Variants in MAP4K3 observed in about 807,000 individuals in gnomAD.
MAP4K3 encodes the protein mitogen-activated protein kinase kinase kinase kinase 3, also known as MAPK/ERK kinase kinase kinase 3.
A neutral mutation model predicts 143.5 loss-of-function variants in MAP4K3; 94 were observed. The ratio of observed to expected loss-of-function variants is 0.65; its 90% CI spans 0.55 to 0.78. The LOEUF (loss-of-function observed/expected upper bound fraction) is 0.78, where lower values mean the gene tolerates loss of function less well. MAP4K3 is among the 30% of genes least tolerant of loss of function. The pLI is 0.00. For missense variants in MAP4K3, 1,077 were observed against 1,068.1 expected (o/e 1.01, Z -0.12); for synonymous variants, 416 against 347.2 (o/e 1.20, Z -2.20).
At chr2:39,350,932 A>T (rs1414438784) in intron 3 of MAP4K3, among the ~76,000 whole-genome samples, 1 of 152,202 alleles carries the variant, frequency 6.6e-6, no homozygotes, top group African/African-American at 2.4e-5. Context: ...ACCTAACCGG[A>T]GACTGAAAAT....
intron 3 of MAP4K3, among the ~76,000 whole-genome samples, chr2:39,349,103 C>T (rs1665378013): frequency 6.6e-6 from 1 of 152,182 alleles, no homozygotes; most frequent in Non-Finnish European, 1.5e-5. Context: ...GATTCCTGTA[C>T]TGTACTGTGA....
chr2:39,313,150 T>C (rs553771023), intron 13 of MAP4K3, among the ~76,000 whole-genome samples: 1 of 152,360 alleles, frequency 6.6e-6, no homozygotes, highest in South Asian at 2.1e-4. Context: ...TTCCAGTTAC[T>C]CTTCAAATAA....
chr2:39,339,652 G>T (rs575737037), intron 4 of MAP4K3, among the ~76,000 whole-genome samples: 112 of 152,264 alleles, frequency 7.4e-4, no homozygotes, highest in African/African-American at 2.6e-3. Context: ...CTCATTAAAG[G>T]TGTAGACAAG....
rs558659840 is a variant in MAP4K3 at position 39,349,242 on chromosome 2, C to T, written c.246-5790G>A. On this transcript the variant is annotated intron_variant, in intron 3 of 33. Coordinates refer to ENST00000263881, the MANE Select transcript of MAP4K3 (RefSeq NM_003618.4). ...GTTTTAATATAAATAACTTATTTAA[C>T]GTGAAGAAAATTTTTAAACTTTTTT... Among the ~76,000 whole-genome samples the T allele has an allele frequency of 4.6e-5, 7 of 152,162 alleles. No homozygotes were observed. The South Asian group carries it at 8.3e-4, about 18-fold the overall frequency.
chr2:39,284,198 G>C lies in MAP4K3; in HGVS notation c.1588-1644C>G, dbSNP rs1681665806. On this transcript the variant is annotated intron_variant, in intron 21 of 33. Coordinates refer to ENST00000263881, the MANE Select transcript of MAP4K3 (RefSeq NM_003618.4). ...ATTTTTTTTGAGACAGTCTTGCTCTGTTACCCAGGCTGGAGTGCAGGGGCA... is the reference window on the plus strand; with the variant it reads ...ATTTTTTTTGAGACAGTCTTGCTCTCTTACCCAGGCTGGAGTGCAGGGGCA... 3.3e-5 allele frequency among the ~76,000 whole-genome samples: 5 copies of C among 151,666 alleles called. No individual in the cohort carries two copies. In the South Asian group the frequency reaches 1.0e-3, roughly 32 times the overall value.
At chr2:39,384,842 A>AACCACCACC (rs562339381) in intron 1 of MAP4K3, among the ~76,000 whole-genome samples, 2 of 152,166 alleles carry the variant, frequency 1.3e-5, no homozygotes, top group Non-Finnish European at 2.9e-5. Flanking sequence ...TAGATTATGT[A>AACCACCACC]ACCACCACCA....
intron 12 of MAP4K3, among the ~76,000 whole-genome samples, chr2:39,322,063 T>C (rs1249881698): frequency 6.6e-6 from 1 of 152,210 alleles, no homozygotes; most frequent in Non-Finnish European, 1.5e-5. Context: ...GTCTTTCTTT[T>C]CCAAGTCTCT....
At chr2:39,330,377 A>G (rs1432957261) in intron 8 of MAP4K3, among the ~76,000 whole-genome samples, 1 of 152,158 alleles carries the variant, frequency 6.6e-6, no homozygotes, top group Non-Finnish European at 1.5e-5. Context: ...AAAATTATCA[A>G]TCATGTACAA....
chr2:39,407,588 G>A (rs944851029), intron 1 of MAP4K3, among the ~76,000 whole-genome samples: 6 of 152,082 alleles, frequency 3.9e-5, no homozygotes, highest in African/African-American at 9.7e-5. Flanking sequence ...TTTATAGAGC[G>A]AGAGACAGGA....
chr2:39,314,530 G>T (rs1409443941), intron 13 of MAP4K3, among the ~76,000 whole-genome samples: 2 of 152,160 alleles, frequency 1.3e-5, no homozygotes, highest in Admixed American at 6.5e-5. Context: ...CTAACTGCTG[G>T]CAAGCAAAGT....
chr2:39,355,799 T>C (rs1665595837), intron 3 of MAP4K3, among the ~76,000 whole-genome samples: 1 of 152,146 alleles, frequency 6.6e-6, no homozygotes, highest in Admixed American at 6.5e-5. Flanking sequence ...ACTGAGATGA[T>C]TATAGTTCCT....
At chr2:39,418,199 T>C (rs1346551385) in intron 1 of MAP4K3, among the ~76,000 whole-genome samples, 1 of 50,014 alleles carries the variant, frequency 2.0e-5, no homozygotes, top group African/African-American at 6.0e-5. Flanking sequence ...CAAGACTCCG[T>C]CTCAAAAAAA....
chr2:39,387,898 T>G (rs1666552511), intron 1 of MAP4K3, among the ~76,000 whole-genome samples: 1 of 152,176 alleles, frequency 6.6e-6, no homozygotes, highest in South Asian at 2.1e-4. Context: ...AAAAAAAATT[T>G]TAAAAACAGA....
At chr2:39,370,462 G>C (rs112865083) in intron 2 of MAP4K3, among the ~76,000 whole-genome samples, 37 of 152,264 alleles carry the variant, frequency 2.4e-4, no homozygotes, top group African/African-American at 8.9e-4. Flanking sequence ...TGAAAGATAA[G>C]GAGGCAGAAA....
At chr2:39,365,538 G>A (rs1028568440) in intron 2 of MAP4K3, among the ~76,000 whole-genome samples, 2 of 141,610 alleles carry the variant, frequency 1.4e-5, no homozygotes, top group African/African-American at 5.3e-5. Flanking sequence ...TCCGCTTCCC[G>A]GGTTCACGCC....
At chr2:39,280,109 A>G (rs931389299) in intron 23 of MAP4K3, among the ~76,000 whole-genome samples, 163 bp downstream of exon 23, 5 of 152,190 alleles carry the variant, frequency 3.3e-5, no homozygotes, top group Admixed American at 2.6e-4. Context: ...TCAAACACTG[A>G]TAACAGCACA....
chr2:39,421,684 G>A (rs114315717), intron 1 of MAP4K3, among the ~76,000 whole-genome samples: 2,733 of 152,236 alleles, frequency 0.018, 84 homozygotes, highest in African/African-American at 0.061. Context: ...CATCTGCTAT[G>A]ATTATAACTA....
chr2:39,323,158 A>G (rs938463933), intron 12 of MAP4K3, among the ~76,000 whole-genome samples: 6 of 152,216 alleles, frequency 3.9e-5, no homozygotes, highest in Non-Finnish European at 8.8e-5. Flanking sequence ...GGAATGTAAC[A>G]GCTTCCCCTC....
intron 5 of MAP4K3, 125 bp downstream of exon 5, chr2:39,337,401 A>G: frequency 4.9e-6 from 3 of 606,150 alleles, no homozygotes; most frequent in Non-Finnish European, 8.7e-6. Flanking sequence ...CAAATGTATT[A>G]AAACTCATTT....
Sources: gnomAD v4.1 joint callset for allele counts (sites outside exome capture counted in the v4.1 genomes callset) on GRCh38, gnomAD v4.1.1 for gene constraint, MANE v1.5 for transcripts, NCBI Gene and HGNC (gene_info 2026-07-23, HGNC 2026-07-21) for gene names.